LIPF: variants seen among roughly 807,000 people sequenced by gnomAD.
The protein encoded by LIPF is lipase F, gastric type.
In LIPF, 25 loss-of-function variants were observed where a neutral mutation model predicts 38.0. The observed-to-expected ratio is 0.66, with a 90% CI of 0.48 to 0.92. The LOEUF (loss-of-function observed/expected upper bound fraction) is 0.92, where lower values mean the gene tolerates loss of function less well. Ranked by LOEUF, LIPF falls within the 40% of genes least tolerant of loss-of-function variation. The pLI is 0.00. For missense variants in LIPF, 410 were observed against 469.9 expected, an observed-to-expected ratio of 0.87 and a Z score of 1.18; for synonymous variants, 161 against 156.2, an observed-to-expected ratio of 1.03 and a Z score of -0.23.
intron 6 of LIPF, 137 bp from the exon 7 acceptor site, chr10:88,673,451 G>A (rs1173313934): frequency 1.4e-6 from 1 of 731,040 alleles, no homozygotes; most frequent in Admixed American, 2.6e-5. Context: ...GAAAGTATTG[G>A]AAATTCCTAA....
rs1466886906 is a variant in LIPF, at chr10:88,673,569, T to A, written c.670-19T>A. On this transcript the variant is annotated intron_variant, in intron 6 of 9. Coordinates refer to ENST00000238983, the MANE Select transcript of LIPF (RefSeq NM_004190.4). Reference sequence around the variant, plus strand: ...CAGCTTGATTGCTACAACCCTCTAATAGTGCCTTTATTTTTCAGTTTATAT... The same window carrying A: ...CAGCTTGATTGCTACAACCCTCTAAAAGTGCCTTTATTTTTCAGTTTATAT... 6.3e-7 allele frequency: 1 copy of A among 1,596,916 alleles called. No homozygotes were observed. Among genetic ancestry groups the A allele is most frequent in the East Asian group, 2.2e-5 (1 of 44,722 alleles).
chr10:88,667,458 C>A, intron 2 of LIPF, 56 bp downstream of exon 2: 3 of 1,138,358 alleles, frequency 2.6e-6, no homozygotes, highest in Non-Finnish European at 2.6e-6. Context: ...TATTTAAAAT[C>A]ATAATGAGTT....
intron 9 of LIPF, among the ~76,000 whole-genome samples, chr10:88,677,637 C>T (rs1841707737): frequency 6.6e-6 from 1 of 152,028 alleles, no homozygotes; most frequent in South Asian, 2.1e-4. Flanking sequence ...GGCAAGTTGG[C>T]TATTACACAA....
intron 6 of LIPF, 100 bp from the exon 7 acceptor site, chr10:88,673,488 C>T (rs1841635366): frequency 5.8e-6 from 5 of 865,982 alleles, no homozygotes; most frequent in African/African-American, 1.7e-5. Flanking sequence ...AAGAATATAT[C>T]ATCATCCTCA....
chr10:88,675,471 T>G, intron 7 of LIPF, 115 bp from the exon 8 acceptor site: 2 of 777,298 alleles, frequency 2.6e-6, no homozygotes, highest in Non-Finnish European at 4.3e-6. Flanking sequence ...ATCCTTCCAG[T>G]AAATGCTACC....
intron 3 of LIPF, among the ~76,000 whole-genome samples, chr10:88,668,147 G>C (rs532886471): frequency 6.6e-6 from 1 of 152,002 alleles, no homozygotes; most frequent in South Asian, 2.1e-4. Context: ...AACACATACA[G>C]GCTAATTTTC....
At chr10:88,668,180 C>T (rs1173266701) in intron 3 of LIPF, among the ~76,000 whole-genome samples, 1 of 151,750 alleles carries the variant, frequency 6.6e-6, no homozygotes, top group Admixed American at 6.6e-5. Flanking sequence ...AAAAATTTAC[C>T]TTTTACTCAT....
At chr10:88,675,462 T>C in intron 7 of LIPF, 124 bp from the exon 8 acceptor site, 3 of 724,316 alleles carry the variant, frequency 4.1e-6, no homozygotes, top group Non-Finnish European at 7.1e-6. Context: ...GTTGTTCATA[T>C]CCTTCCAGTA....
At position 88,671,976 on chromosome 10, in the gene LIPF, C is replaced by A. The variant is rs752542688; in HGVS notation, c.669+11C>A. ...CAATCCCTCTTCAAGGTATGCAATT[C>A]TCTTTAATTAAGTGAATCTAAGACC... On this transcript the variant is annotated intron_variant, in intron 6 of 9. Transcript: ENST00000238983. 6.2e-7 allele frequency: 1 copy of A among 1,602,084 alleles called. No individual in the cohort carries two copies. The highest frequency in any genetic ancestry group is 1.1e-5 in the South Asian group (1 of 88,128).
intron 4 of LIPF, 69 bp downstream of exon 4, chr10:88,668,825 C>G: frequency 4.5e-6 from 6 of 1,320,470 alleles, no homozygotes; most frequent in Non-Finnish European, 6.4e-6. Flanking sequence ...CCTTCTAATC[C>G]AGTCCCATTT....
intron 1 of LIPF, 71 bp from the exon 2 acceptor site, chr10:88,667,216 A>G (rs1446416289): frequency 9.6e-6 from 8 of 833,636 alleles, no homozygotes; most frequent in Non-Finnish European, 1.6e-5. Context: ...CAAAGGTAAA[A>G]TTGGCATAAA....
At chr10:88,673,035 G>A (rs1841628396) in intron 6 of LIPF, among the ~76,000 whole-genome samples, 1 of 152,066 alleles carries the variant, frequency 6.6e-6, no homozygotes, top group Non-Finnish European at 1.5e-5. Context: ...GCTCTAATTA[G>A]CCCAAGACCC....
At chr10:88,673,244 C>T (rs886178194) in intron 6 of LIPF, among the ~76,000 whole-genome samples, 2 of 152,192 alleles carry the variant, frequency 1.3e-5, no homozygotes, top group Admixed American at 6.5e-5. Context: ...AATCTCACAT[C>T]TTGGCACTTC....
At chr10:88,665,736 G>GTTTTTTTTTTT (rs1841501585) in intron 1 of LIPF, among the ~76,000 whole-genome samples, 1 of 121,890 alleles carries the variant, frequency 8.2e-6, no homozygotes, top group Non-Finnish European at 1.7e-5. Context: ...GTTAAAAACT[G>GTTTTTTTTTTT]ATTTTTTTTT....
At chr10:88,666,158 G>A (rs893310404) in intron 1 of LIPF, among the ~76,000 whole-genome samples, 1 of 152,164 alleles carries the variant, frequency 6.6e-6, no homozygotes, top group Non-Finnish European at 1.5e-5. Context: ...CTGTAAATCA[G>A]GAACTATGCT....
chr10:88,673,824 G>A (rs2134644379), intron 7 of LIPF, 90 bp downstream of exon 7: 1 of 1,047,506 alleles, frequency 9.5e-7, no homozygotes, highest in Non-Finnish European at 1.4e-6. Context: ...ATGAGAACTA[G>A]GAGTAGGTTC....
chr10:88,665,416 T>C (rs1841496236), intron 1 of LIPF: 4 of 714,144 alleles, frequency 5.6e-6, no homozygotes, highest in Admixed American at 4.1e-5. Flanking sequence ...GTATACCATG[T>C]TGAACACACA....
chr10:88,669,777 G>A, intron 4 of LIPF, 60 bp from the exon 5 acceptor site: 1 of 1,225,638 alleles, frequency 8.2e-7, no homozygotes, highest in Admixed American at 1.8e-5. Flanking sequence ...ATAAATGCTT[G>A]AATTTTAGAA....
At chr10:88,666,139 C>T (rs1240074715) in intron 1 of LIPF, among the ~76,000 whole-genome samples, 1 of 152,144 alleles carries the variant, frequency 6.6e-6, no homozygotes, top group Non-Finnish European at 1.5e-5. Flanking sequence ...GAGTTCTGGT[C>T]TGGTTTTACT....
Sources: allele counts gnomAD v4.1 joint callset (sites outside exome capture counted in the v4.1 genomes callset), GRCh38; gene constraint gnomAD v4.1.1; transcripts MANE v1.5; gene names NCBI Gene and HGNC (gene_info 2026-07-23, HGNC 2026-07-21).